NRXN1: variants seen among roughly 807,000 people sequenced by gnomAD.
The protein encoded by NRXN1 is neurexin 1, also known as neurexin-1.
In NRXN1, 39 loss-of-function variants were observed where a neutral mutation model predicts 150.9. That is an observed-to-expected ratio of 0.26 (90% CI 0.20 to 0.34). The LOEUF (loss-of-function observed/expected upper bound fraction) is 0.34. Ranked by LOEUF, NRXN1 falls within the 10% of genes least tolerant of loss-of-function variation. NRXN1 has a pLI of 1.00. For missense variants in NRXN1, 1,815 were observed against 1,949.9 expected (o/e 0.93, Z 1.30); for synonymous variants, 924 against 757.0 (o/e 1.22, Z -3.62).
intron 17 of NRXN1, among the ~76,000 whole-genome samples, chr2:50,359,298 A>G (rs2079028130): frequency 6.6e-6 from 1 of 151,982 alleles, no homozygotes; most frequent in Admixed American, 6.6e-5. Flanking sequence ...GGTGGGTAAT[A>G]ACAGACTCCT....
intron 18 of NRXN1, among the ~76,000 whole-genome samples, chr2:50,107,849 T>A (rs904223209): frequency 1.1e-4 from 17 of 151,924 alleles, no homozygotes; most frequent in Non-Finnish European, 2.2e-4. Context: ...GAACAGTATT[T>A]GGCTCATAAT....
intron 5 of NRXN1, among the ~76,000 whole-genome samples, chr2:50,629,697 T>C (rs1681900118): frequency 6.6e-6 from 1 of 151,654 alleles, no homozygotes. Context: ...ATTAATAAGA[T>C]GATATGAGAA....
At chr2:50,524,262 T>C (rs1186313588) in intron 12 of NRXN1, among the ~76,000 whole-genome samples, 1 of 152,132 alleles carries the variant, frequency 6.6e-6, no homozygotes, top group Admixed American at 6.5e-5. Flanking sequence ...ACAGATCACC[T>C]GAGGTCAGGA....
intron 19 of NRXN1, among the ~76,000 whole-genome samples, chr2:50,056,174 C>T (rs951538859): frequency 6.6e-6 from 1 of 151,976 alleles, no homozygotes; most frequent in Non-Finnish European, 1.5e-5. Context: ...AATGGTAGCA[C>T]TATCTGCATA....
chr2:50,813,125 C>CT (rs1668458976), intron 5 of NRXN1, among the ~76,000 whole-genome samples: 2 of 151,710 alleles, frequency 1.3e-5, no homozygotes, highest in Non-Finnish European at 2.9e-5. Context: ...GCCTGGGGGA[C>CT]TGAAGCTGGA....
At chr2:50,754,672 TTCCA>T (rs1197719792) in intron 5 of NRXN1, among the ~76,000 whole-genome samples, 252 of 151,988 alleles carry the variant, frequency 1.7e-3, no homozygotes, top group South Asian at 9.5e-3. Flanking sequence ...TGCCGAAAGC[TTCCA>T]GCTTTCCAAA....
chr2:50,656,402 A>G (rs774011299), intron 5 of NRXN1: 7 of 776,564 alleles, frequency 9.0e-6, no homozygotes. Context: ...AGTGGTCTGA[A>G]GAAGTCACAA....
intron 17 of NRXN1, among the ~76,000 whole-genome samples, chr2:50,313,944 T>C (rs1292429996): frequency 9.2e-5 from 14 of 152,214 alleles, no homozygotes; most frequent in Middle Eastern, 3.4e-3. Flanking sequence ...AAGCACAGTA[T>C]ACAAGGAATT....
At chr2:50,430,604 AG>A (rs1323825380) in intron 17 of NRXN1, among the ~76,000 whole-genome samples, 3 of 152,210 alleles carry the variant, frequency 2.0e-5, no homozygotes, top group African/African-American at 7.2e-5. Flanking sequence ...GCCCTGTACC[AG>A]GCCCCAAATT....
At chr2:50,103,456 G>A (rs1359344151) in intron 18 of NRXN1, among the ~76,000 whole-genome samples, 2 of 152,020 alleles carry the variant, frequency 1.3e-5, no homozygotes, top group East Asian at 1.9e-4. Context: ...TCACTCAGAA[G>A]AGCAGATGAA....
chr2:50,594,947 C>T (rs888268545), intron 8 of NRXN1, among the ~76,000 whole-genome samples: 8 of 151,470 alleles, frequency 5.3e-5, no homozygotes, highest in Admixed American at 6.6e-5. Context: ...TCCACGGTAC[C>T]CTCTGAGCAC....
chr2:50,902,757 G>T (rs976975974), intron 5 of NRXN1, among the ~76,000 whole-genome samples: 3 of 151,988 alleles, frequency 2.0e-5, no homozygotes, highest in Admixed American at 6.6e-5. Flanking sequence ...TTTTATCTTG[G>T]TTATTTTTTC....
At chr2:50,274,432 A>G (rs2070153672) in intron 17 of NRXN1, among the ~76,000 whole-genome samples, 1 of 152,136 alleles carries the variant, frequency 6.6e-6, no homozygotes, top group Non-Finnish European at 1.5e-5. Flanking sequence ...CATTAGGAGA[A>G]GTACCTAATG....
intron 21 of NRXN1, among the ~76,000 whole-genome samples, chr2:50,036,849 G>A (rs549461871): frequency 4.6e-5 from 7 of 152,234 alleles, no homozygotes; most frequent in African/African-American, 1.7e-4. Context: ...ATTCATCTTA[G>A]ATAGCCAGTC....
chr2:50,674,915 C>T (rs4971564), intron 5 of NRXN1, among the ~76,000 whole-genome samples: 49,668 of 151,662 alleles, frequency 0.33, 8,296 homozygotes, highest in South Asian at 0.41. Context: ...CCAAATCTCA[C>T]CTTGAAATGT....
intron 18 of NRXN1, among the ~76,000 whole-genome samples, chr2:50,203,415 G>C (rs17040190): frequency 0.077 from 11,682 of 152,086 alleles, 567 homozygotes; most frequent in African/African-American, 0.12. Context: ...TTTGTACAAG[G>C]GTCCATGTTT....
At chr2:50,124,040 G>A (rs1704228671) in intron 18 of NRXN1, among the ~76,000 whole-genome samples, 2 of 152,074 alleles carry the variant, frequency 1.3e-5, no homozygotes, top group South Asian at 4.2e-4. Context: ...GAAAAAGGAA[G>A]AGGCCCAGAC....
intron 19 of NRXN1, among the ~76,000 whole-genome samples, chr2:50,059,511 G>A (rs770047153): frequency 6.6e-6 from 1 of 152,344 alleles, no homozygotes; most frequent in South Asian, 2.1e-4. Context: ...GTCCTGAGGA[G>A]AAATTCAAGC....
chr2:50,596,350 T>C (rs967291867), intron 8 of NRXN1, among the ~76,000 whole-genome samples: 4 of 152,224 alleles, frequency 2.6e-5, no homozygotes, highest in Non-Finnish European at 4.4e-5. Context: ...TCATTCACGA[T>C]CTATCCCATG....
Sources: gnomAD v4.1 joint callset for allele counts (sites outside exome capture counted in the v4.1 genomes callset) on GRCh38, gnomAD v4.1.1 for gene constraint, MANE v1.5 for transcripts, NCBI Gene and HGNC (gene_info 2026-07-23, HGNC 2026-07-21) for gene names.